TOPBP1: variants seen among roughly 807,000 people sequenced by gnomAD.
The protein encoded by TOPBP1 is DNA topoisomerase 2-binding protein 1.
TOPBP1 carries 28 observed loss-of-function variants against 167.7 expected under a neutral mutation model. That is an observed-to-expected ratio of 0.17 (90% CI 0.12 to 0.23). The LOEUF is 0.23. Ranked by LOEUF, TOPBP1 falls within the 10% of genes least tolerant of loss-of-function variation. TOPBP1 has a pLI of 1.00. For missense variants in TOPBP1, 1,554 were observed against 1,809.6 expected (o/e 0.86, Z 2.56); for synonymous variants, 598 against 611.4 (o/e 0.98, Z 0.32).
At chr3:133,652,787 G>A (rs1290739756) in intron 7 of TOPBP1, among the ~76,000 whole-genome samples, 158 bp from the exon 8 acceptor site, 1 of 152,082 alleles carries the variant, frequency 6.6e-6, no homozygotes, top group East Asian at 1.9e-4. Flanking sequence ...AGTATAAAAA[G>A]GGAAAATGAA....
chr3:133,601,166 T>G lies in TOPBP1; in HGVS notation c.*84A>C, dbSNP rs1576671858. On this transcript the variant is annotated 3_prime_UTR_variant, in exon 28 of 28. Coordinates refer to ENST00000260810, the MANE Select transcript of TOPBP1 (RefSeq NM_007027.4). ...AATTCTTCAGGTACTCATCTTTAAA[T>G]TACTACCCAAATCTATCACAGTCAC... The G allele has an allele frequency of 1.0e-5, 13 of 1,274,174 alleles. No individual in the cohort carries two copies. In the East Asian group the frequency reaches 3.4e-4, roughly 33 times the overall value. 78.9% of individuals were successfully genotyped at this position (1,274,174 alleles called of 1,614,324 possible). A position where few individuals can be genotyped will look rare whatever the true frequency, so the allele number is the denominator to read the frequency against.
rs572242745 is a variant in TOPBP1, at chr3:133,623,476, C to T, written c.2929-19G>A. The T allele has an allele frequency of 5.3e-5, 85 of 1,591,686 alleles. No individual in the cohort carries two copies. In the South Asian group the frequency reaches 9.3e-4, roughly 17 times the overall value. Reference sequence around the variant, plus strand: ...GGGCACACTGCAATACAATGGTGTGCTTTAAGACAGGACTGACAAAATCTT... The same window carrying T: ...GGGCACACTGCAATACAATGGTGTGTTTTAAGACAGGACTGACAAAATCTT... On this transcript the variant is annotated intron_variant, in intron 17 of 27. Coordinates refer to ENST00000260810, the MANE Select transcript of TOPBP1 (RefSeq NM_007027.4).
chr3:133,625,111 C>T (rs371573010), intron 16 of TOPBP1, among the ~76,000 whole-genome samples: 3 of 152,174 alleles, frequency 2.0e-5, no homozygotes, highest in South Asian at 2.1e-4. Flanking sequence ...GGATTATAGG[C>T]GTACGCCACC....
intron 5 of TOPBP1, among the ~76,000 whole-genome samples, chr3:133,655,738 T>C (rs1936459370): frequency 6.6e-6 from 1 of 152,224 alleles, no homozygotes; most frequent in East Asian, 1.9e-4. Context: ...TCCTTAACTC[T>C]AGCCCTTGCT....
Position 133,661,025 on chromosome 3 carries a change from A to C in TOPBP1, c.84+19T>G, listed in dbSNP as rs187501116. 1 of 1,538,836 alleles carries C rather than the reference A, an allele frequency of 6.5e-7. No individual in the cohort carries two copies. The highest frequency in any genetic ancestry group is 2.3e-5 in the East Asian group (1 of 44,092). On this transcript the variant is annotated intron_variant, in intron 2 of 27. Coordinates refer to ENST00000260810, the MANE Select transcript of TOPBP1 (RefSeq NM_007027.4). ...ACAAGAAAATGAATTCACGGTATTA[A>C]GATGTTTTCAACTCTTACCTCGAGA... is the stretch of plus-strand genomic sequence containing the variant.
At chr3:133,643,789 AGAAG>A (rs1935979483) in intron 11 of TOPBP1, among the ~76,000 whole-genome samples, 1 of 152,140 alleles carries the variant, frequency 6.6e-6, no homozygotes, top group Non-Finnish European at 1.5e-5. Context: ...TGACCTCCTA[AGAAG>A]GAATGTTGCT....
intron 11 of TOPBP1, among the ~76,000 whole-genome samples, chr3:133,643,694 TAA>T (rs879459806): frequency 1.4e-5 from 2 of 145,648 alleles, no homozygotes. Context: ...CTTGGAATGT[TAA>T]AAAAAAAAAA....
intron 12 of TOPBP1, 113 bp from the exon 13 acceptor site, chr3:133,640,283 AT>A (rs1237468792): frequency 2.2e-6 from 2 of 893,364 alleles, no homozygotes; most frequent in Admixed American, 5.3e-5. Context: ...ATAAAAAAAA[AT>A]ACTGATTAAA....
At position 133,640,088 on chromosome 3, in the gene TOPBP1, C is replaced by T; in HGVS notation, c.2104G>A (p.Gly702Ser). The T allele has an allele frequency of 6.2e-7, 1 of 1,613,808 alleles. No individual in the cohort carries two copies. The change falls in exon 13 of 28, where the codon GGC (glycine) becomes AGC (serine). Residue 702 changes from glycine (G) to serine (S), a missense_variant. Physicochemically the swap from Gly to Ser is moderately conservative, Grantham distance 56 (BLOSUM62 0). Around this residue, in one of 3 missense-constraint regions of TOPBP1, gnomAD observed 1,197 missense variants for 1,351.5 expected, o/e 0.89. Transcript: ENST00000260810. ...STHLILKERG[G>S]SKYEAAKKWN... ...TTCTTTGCAGCTTCATATTTAGAGC[C>T]ACCACGTTCTTTCAGTATAAGATGA...
intron 14 of TOPBP1, among the ~76,000 whole-genome samples, chr3:133,630,623 G>T (rs1477545683): frequency 6.6e-6 from 1 of 151,678 alleles, no homozygotes; most frequent in Admixed American, 6.6e-5. Flanking sequence ...TTTGAGACGG[G>T]GTCTTGCTCT....
chr3:133,603,041 G>A (rs1934363535), intron 27 of TOPBP1, among the ~76,000 whole-genome samples: 1 of 151,874 alleles, frequency 6.6e-6, no homozygotes, highest in African/African-American at 2.4e-5. Context: ...GATTACAGGT[G>A]TGCGCCACGA....
chr3:133,628,308 T>A, intron 16 of TOPBP1, 54 bp downstream of exon 16: 3 of 1,473,490 alleles, frequency 2.0e-6, no homozygotes, highest in Non-Finnish European at 2.8e-6. Flanking sequence ...TAGCTTTAGG[T>A]TTCCTTATAA....
chr3:133,622,604 A>T (rs1356667997), intron 19 of TOPBP1, among the ~76,000 whole-genome samples: 1 of 152,076 alleles, frequency 6.6e-6, no homozygotes, highest in East Asian at 1.9e-4. Context: ...GGGGCTGGAG[A>T]ATAAGGGTGG....
At chr3:133,617,386 A>G (rs1934932898) in intron 21 of TOPBP1, 60 bp from the exon 22 acceptor site, 3 of 1,459,162 alleles carry the variant, frequency 2.1e-6, no homozygotes, top group Non-Finnish European at 2.7e-6. Context: ...AACAAATTCT[A>G]GGAAATATTC....
intron 16 of TOPBP1, among the ~76,000 whole-genome samples, chr3:133,627,893 T>G (rs1047831599): frequency 6.6e-6 from 1 of 150,870 alleles, no homozygotes; most frequent in Non-Finnish European, 1.5e-5. Context: ...AAAAAGATAA[T>G]GAAAACATGC....
rs377100155 is a variant in TOPBP1 at position 133,649,860 on chromosome 3, C to G, written c.1173G>C (p.Gln391His). The G allele has an allele frequency of 7.5e-5, 121 of 1,612,864 alleles. No individual in the cohort carries two copies. The highest frequency in any genetic ancestry group is 2.8e-5 in the Non-Finnish European group (33 of 1,179,632). Residue 391 changes from glutamine (Q) to histidine (H), a missense_variant, in exon 9 of 28, where the codon CAG (glutamine) becomes CAC (histidine). Coordinates refer to ENST00000260810, the MANE Select transcript of TOPBP1 (RefSeq NM_007027.4). ...TAACATGAGTTACATCTTCATTTAG[C>G]TGGTTAAAACGAACTCCACCTCCAC... The part of the protein sequence containing the change: ...INSGGGVRFN[Q>H]LNEDVTHVIV...
rs1935840205 is a variant in TOPBP1 at position 133,640,018 on chromosome 3, G to A, written c.2174C>T (p.Ala725Val). The change falls in exon 13 of 28, where the codon GCT (alanine) becomes GTT (valine). Residue 725 changes from alanine (A) to valine (V), a missense_variant. Physicochemically the swap from Ala to Val is moderately conservative, Grantham distance 64 (BLOSUM62 0). This residue lies in a region of TOPBP1 where 1,197 missense variants were observed against 1,351.5 expected (regional missense o/e 0.89). Transcript: ENST00000260810. ...AVTIAWLLET[A>V]RTGKRADESH... ...TTCGTCTGCTCTCTTTCCCGTTCTA[G>A]CAGTCTCCAACAGCCAAGCTATAGT... 6 of 1,613,788 alleles carry A rather than the reference G, an allele frequency of 3.7e-6. No homozygotes were observed. The East Asian group carries it at 8.9e-5, about 24-fold the overall frequency.
chr3:133,617,006 C>T (rs1394467673), intron 22 of TOPBP1, 81 bp from the exon 23 acceptor site: 1 of 1,253,828 alleles, frequency 8.0e-7, no homozygotes, highest in Non-Finnish European at 1.1e-6. Context: ...GTATTTTACT[C>T]AGTCTTCTAA....
chr3:133,612,790 C>T (rs907264033), intron 23 of TOPBP1, among the ~76,000 whole-genome samples: 2 of 152,138 alleles, frequency 1.3e-5, no homozygotes, highest in African/African-American at 4.8e-5. Flanking sequence ...AACCCCCACA[C>T]ATATACTAGC....
Sources: allele counts gnomAD v4.1 joint callset (sites outside exome capture counted in the v4.1 genomes callset), GRCh38; gene constraint gnomAD v4.1.1; regional missense constraint gnomAD v4.1.1; transcripts MANE v1.5; gene names NCBI Gene and HGNC (gene_info 2026-07-23, HGNC 2026-07-21).